MARCHF1: variants seen among roughly 807,000 people sequenced by gnomAD.
MARCHF1 encodes E3 ubiquitin-protein ligase MARCHF1.
A neutral mutation model predicts 54.2 loss-of-function variants in MARCHF1; 40 were observed. The observed-to-expected ratio is 0.74, with a 90% CI of 0.57 to 0.96. The LOEUF (loss-of-function observed/expected upper bound fraction) is 0.96, where lower values mean the gene tolerates loss of function less well. MARCHF1 is among the 40% of genes least tolerant of loss of function. The pLI is 0.00. For synonymous variants in MARCHF1, 236 were observed against 236.3 expected (o/e 1.00, Z 0.01); for missense variants, 586 against 656.5 (o/e 0.89, Z 1.17).
intron 1 of MARCHF1, among the ~76,000 whole-genome samples, chr4:164,149,513 CT>C (rs755632418): frequency 2.0e-5 from 3 of 152,172 alleles, no homozygotes; most frequent in Non-Finnish European, 4.4e-5. Flanking sequence ...AACATATCGG[CT>C]TTCTCGAGAA....
At chr4:163,639,697 G>T (rs1365868858) in intron 5 of MARCHF1, among the ~76,000 whole-genome samples, 1 of 152,004 alleles carries the variant, frequency 6.6e-6, no homozygotes, top group Non-Finnish European at 1.5e-5. Context: ...ACACTATTTG[G>T]ACTTTCAGAC....
intron 1 of MARCHF1, among the ~76,000 whole-genome samples, chr4:164,303,472 C>T (rs549214109): frequency 2.0e-5 from 3 of 152,212 alleles, no homozygotes; most frequent in Admixed American, 6.5e-5. Flanking sequence ...GTTTCCTATC[C>T]CTAGCCTTTG....
intron 4 of MARCHF1, among the ~76,000 whole-genome samples, chr4:163,832,686 C>T (rs577097515): frequency 0.014 from 2,100 of 149,952 alleles, 45 homozygotes; most frequent in African/African-American, 0.045. Context: ...TGTGTTGCAC[C>T]CATTAACTCG....
chr4:163,909,403 TATAA>T (rs1751142549), intron 3 of MARCHF1, among the ~76,000 whole-genome samples: 1 of 152,198 alleles, frequency 6.6e-6, no homozygotes, highest in Admixed American at 6.5e-5. Flanking sequence ...CTGTGGTAAA[TATAA>T]ATGACACTTA....
At chr4:163,647,739 A>T (rs113426266) in intron 5 of MARCHF1, among the ~76,000 whole-genome samples, 30 of 151,964 alleles carry the variant, frequency 2.0e-4, no homozygotes, top group Non-Finnish European at 4.3e-4. Flanking sequence ...CATACAAAAA[A>T]CTATAGGATA....
intron 7 of MARCHF1, among the ~76,000 whole-genome samples, chr4:163,609,309 T>A (rs1741245695): frequency 6.6e-6 from 1 of 152,116 alleles, no homozygotes; most frequent in African/African-American, 2.4e-5. Context: ...CTCTGTCTTC[T>A]GCCTCTGTTC....
intron 1 of MARCHF1, among the ~76,000 whole-genome samples, chr4:164,365,916 T>A (rs1730867848): frequency 6.6e-6 from 1 of 152,024 alleles, no homozygotes; most frequent in Admixed American, 6.6e-5. Context: ...CCCCTCCTCC[T>A]ATCCTTCACT....
chr4:164,150,592 G>A (rs1729907385), intron 1 of MARCHF1, among the ~76,000 whole-genome samples: 1 of 152,136 alleles, frequency 6.6e-6, no homozygotes, highest in Non-Finnish European at 1.5e-5. Flanking sequence ...TCTGCTCTGG[G>A]TATACCTTGA....
intron 7 of MARCHF1, among the ~76,000 whole-genome samples, chr4:163,609,474 A>G (rs1472232036): frequency 6.6e-6 from 1 of 151,740 alleles, no homozygotes; most frequent in Non-Finnish European, 1.5e-5. Context: ...TTCCTTATCC[A>G]TTATTGTCCT....
intron 4 of MARCHF1, among the ~76,000 whole-genome samples, chr4:163,712,921 C>T (rs553096518): frequency 5.3e-5 from 8 of 152,116 alleles, no homozygotes; most frequent in Non-Finnish European, 1.0e-4. Flanking sequence ...TTCTAAGAGC[C>T]TGAAAAGCAA....
chr4:164,272,510 T>C (rs1213648889), intron 1 of MARCHF1, among the ~76,000 whole-genome samples: 1 of 151,974 alleles, frequency 6.6e-6, no homozygotes, highest in Non-Finnish European at 1.5e-5. Flanking sequence ...AGTAAGAAGC[T>C]GAAGAAGAAT....
intron 1 of MARCHF1, among the ~76,000 whole-genome samples, chr4:164,240,379 T>C (rs897280186): frequency 2.0e-5 from 3 of 152,220 alleles, no homozygotes; most frequent in African/African-American, 7.2e-5. Context: ...CTTTCTGCAA[T>C]GTATATTGGT....
intron 1 of MARCHF1, among the ~76,000 whole-genome samples, chr4:164,380,054 A>C (rs1280903297): frequency 6.6e-6 from 1 of 152,154 alleles, no homozygotes; most frequent in Non-Finnish European, 1.5e-5. Context: ...ATTTTCAGAC[A>C]TACAAAAACT....
At chr4:164,005,667 T>C (rs767504621) in intron 2 of MARCHF1, among the ~76,000 whole-genome samples, 9 of 151,926 alleles carry the variant, frequency 5.9e-5, no homozygotes, top group Non-Finnish European at 1.2e-4. Flanking sequence ...AAAGGAAAAA[T>C]ATTTCTGAGG....
intron 4 of MARCHF1, among the ~76,000 whole-genome samples, chr4:163,833,910 G>A (rs924650216): frequency 2.6e-5 from 4 of 152,130 alleles, no homozygotes; most frequent in Non-Finnish European, 5.9e-5. Flanking sequence ...AGAACAGAGT[G>A]AACTACGATT....
chr4:164,172,311 T>A (rs563034324), intron 1 of MARCHF1, among the ~76,000 whole-genome samples: 2 of 152,344 alleles, frequency 1.3e-5, no homozygotes, highest in South Asian at 2.1e-4. Context: ...AGGTATACCT[T>A]TTCTCATAAA....
At chr4:164,102,718 A>C (rs1435921788) in intron 2 of MARCHF1, among the ~76,000 whole-genome samples, 1 of 151,952 alleles carries the variant, frequency 6.6e-6, no homozygotes, top group Non-Finnish European at 1.5e-5. Flanking sequence ...AATGAGCAAA[A>C]TAACCAGCTA....
chr4:164,369,448 G>C (rs4691968), intron 1 of MARCHF1, among the ~76,000 whole-genome samples: 58,028 of 151,952 alleles, frequency 0.38, 12,652 homozygotes, highest in Non-Finnish European at 0.49. Flanking sequence ...TATGGTTTTA[G>C]TCAGATTGGT....
chr4:164,262,948 C>A (rs1733507666), intron 1 of MARCHF1, among the ~76,000 whole-genome samples: 2 of 152,186 alleles, frequency 1.3e-5, no homozygotes, highest in East Asian at 3.9e-4. Context: ...AAGGATATAA[C>A]AAGAAAATAA....
Sources: gnomAD v4.1 joint callset for allele counts (sites outside exome capture counted in the v4.1 genomes callset) on GRCh38, gnomAD v4.1.1 for gene constraint, MANE v1.5 for transcripts, NCBI Gene and HGNC (gene_info 2026-07-23, HGNC 2026-07-21) for gene names.